KIAA0319L: variants seen among roughly 807,000 people sequenced by gnomAD.
KIAA0319L encodes KIAA0319 like.
In KIAA0319L, 55 loss-of-function variants were observed where a neutral mutation model predicts 120.1. The ratio of observed to expected loss-of-function variants is 0.46; its 90% CI spans 0.37 to 0.57. KIAA0319L has a LOEUF of 0.57. Ranked by LOEUF, KIAA0319L falls within the 20% of genes least tolerant of loss-of-function variation. The pLI is 0.00. For synonymous variants in KIAA0319L, 398 were observed against 471.9 expected (o/e 0.84, Z 2.03); for missense variants, 1,049 against 1,255.3 (o/e 0.84, Z 2.48).
At chr1:35,478,524 T>C (rs531455106) in intron 4 of KIAA0319L, among the ~76,000 whole-genome samples, 2 of 152,294 alleles carry the variant, frequency 1.3e-5, no homozygotes, top group East Asian at 3.9e-4. Context: ...ATCTCATGTA[T>C]GCCATAAATG....
chr1:35,459,106 T>C (rs1011255523), intron 9 of KIAA0319L, among the ~76,000 whole-genome samples: 32 of 152,132 alleles, frequency 2.1e-4, no homozygotes, highest in African/African-American at 6.5e-4. Flanking sequence ...AAATGCCACA[T>C]AGAGGCCCTG....
At chr1:35,454,793 C>CA in intron 10 of KIAA0319L, 1 of 280,836 alleles carries the variant, frequency 3.6e-6, no homozygotes, top group Non-Finnish European at 6.4e-6. Flanking sequence ...CTCTATGACT[C>CA]AAACCAGAAA....
intron 3 of KIAA0319L, among the ~76,000 whole-genome samples, chr1:35,504,487 C>A (rs1645135719): frequency 6.6e-6 from 1 of 152,210 alleles, no homozygotes; most frequent in South Asian, 2.1e-4. Context: ...TAAGCCATCA[C>A]ACCCAGCCAA....
rs1237590429 is a variant in KIAA0319L at position 35,449,884 on chromosome 1, G to A, written c.2336C>T (p.Thr779Ile). 6.2e-7 allele frequency: 1 copy of A among 1,614,162 alleles called. No individual in the cohort carries two copies. The highest frequency in any genetic ancestry group is 1.7e-5 in the Admixed American group (1 of 60,022). The change falls in exon 15 of 21, where the codon ACT becomes ATT. Residue 779 changes from threonine (T) to isoleucine (I), a missense_variant. Transcript: ENST00000325722. ...GAACTCACCAGGTTTCACCTCCACA[G>A]TGGTCCGGTCTGTGTCACTCTCACC... is the stretch of plus-strand genomic sequence containing the variant. Reference protein sequence around the residue: ...AKGESDTDRTTVEVKPDPRKN... With the variant: ...AKGESDTDRTIVEVKPDPRKN...
intron 2 of KIAA0319L, among the ~76,000 whole-genome samples, chr1:35,546,001 AG>A (rs1646967856): frequency 6.6e-6 from 1 of 152,236 alleles, no homozygotes; most frequent in South Asian, 2.1e-4. Context: ...AAAAGATCAC[AG>A]GTTCAGTTTT....
intron 3 of KIAA0319L, among the ~76,000 whole-genome samples, chr1:35,489,025 A>G (rs773227704): frequency 6.6e-6 from 1 of 152,224 alleles, no homozygotes; most frequent in African/African-American, 2.4e-5. Context: ...GCAAGTATCA[A>G]GTTTGAACAA....
rs956998430 is a variant in KIAA0319L at position 35,437,728 on chromosome 1, A to C, written c.2963-2647T>G. Among the ~76,000 whole-genome samples, 15 of 152,084 alleles carry C rather than the reference A, an allele frequency of 9.9e-5. No homozygotes were observed. Among genetic ancestry groups the C allele is most frequent in the Non-Finnish European group, 2.1e-4 (14 of 67,998 alleles). Reference sequence around the variant, plus strand: ...GGTCATTCTTGGGGTCCTCAACCCTAGGCCTCTTCTTTTGTCCTTCAACAT... The same window carrying C: ...GGTCATTCTTGGGGTCCTCAACCCTCGGCCTCTTCTTTTGTCCTTCAACAT... On this transcript the variant is annotated intron_variant, in intron 20 of 20. Coordinates refer to ENST00000325722, the MANE Select transcript of KIAA0319L (RefSeq NM_024874.5). This position sits in a 1 kb window ranked among gnomAD's most constrained non-coding sequence, Gnocchi z 4.1.
chr1:35,512,049 C>G (rs1645467794), intron 2 of KIAA0319L, among the ~76,000 whole-genome samples: 1 of 152,038 alleles, frequency 6.6e-6, no homozygotes, highest in South Asian at 2.1e-4. Context: ...GCAGATGGAT[C>G]ACTTGAGGTC....
chr1:35,514,109 G>A (rs1645581532), intron 2 of KIAA0319L, among the ~76,000 whole-genome samples: 1 of 152,082 alleles, frequency 6.6e-6, no homozygotes, highest in African/African-American at 2.4e-5. Context: ...TCTTCCTGGG[G>A]TAATGGTTAA....
rs962673734 is a variant in KIAA0319L at position 35,557,350 on chromosome 1, C to G, written c.-172G>C. The G allele has an allele frequency of 2.8e-5, 8 of 286,308 alleles. No individual in the cohort carries two copies. The Admixed American group carries it at 4.1e-4, about 15-fold the overall frequency. The allele number at this position is 286,308 out of a possible 1,614,324, so 17.7% of individuals were successfully genotyped here. A position where few individuals can be genotyped will look rare whatever the true frequency, so the allele number is the denominator to read the frequency against. ...GAAGAAGGTAGTGCGGGCTCCCCAC[C>G]CGGACAGCTACCTCTCGCCTCAGCC... On this transcript the variant is annotated 5_prime_UTR_variant, in exon 1 of 21. Coordinates refer to ENST00000325722, the MANE Select transcript of KIAA0319L (RefSeq NM_024874.5).
intron 2 of KIAA0319L, among the ~76,000 whole-genome samples, chr1:35,530,726 C>G (rs1646331997): frequency 6.6e-6 from 1 of 152,102 alleles, no homozygotes; most frequent in Non-Finnish European, 1.5e-5. Context: ...TATTGGCTTT[C>G]ACAGGGAAAG....
At chr1:35,438,406 C>CA (rs1221735690) in intron 20 of KIAA0319L, 1 of 151,752 alleles carries the variant, frequency 6.6e-6, no homozygotes, top group Non-Finnish European at 1.5e-5. Flanking sequence ...AAGTCTTCCT[C>CA]AAAAATGTAT....
At chr1:35,446,080 CA>C (rs879910168) in intron 16 of KIAA0319L, among the ~76,000 whole-genome samples, 14 of 152,176 alleles carry the variant, frequency 9.2e-5, no homozygotes, top group African/African-American at 3.1e-4. Flanking sequence ...AGATTAAATT[CA>C]CCTGGGGAGC....
In KIAA0319L at chr1:35,479,089, T is replaced by A; in HGVS notation, c.790A>T (p.Thr264Ser). The change falls in exon 4 of 21, where the codon ACT (threonine) becomes TCT (serine). Residue 264 changes from threonine to serine, a missense_variant. Coordinates refer to ENST00000325722, the MANE Select transcript of KIAA0319L (RefSeq NM_024874.5). Reference sequence around the variant, plus strand: ...TTCTCAGAACTTTTTACTTGTTGAGTGCTGGGCGTAGTAGCAAGACCCTCT... The same window carrying A: ...TTCTCAGAACTTTTTACTTGTTGAGAGCTGGGCGTAGTAGCAAGACCCTCT... ...ISEGLATTPS[T>S]QQVKSSEKTQ... 1 of 1,614,158 alleles carries A rather than the reference T, an allele frequency of 6.2e-7. No homozygotes were observed. The highest frequency in any genetic ancestry group is 1.1e-5 in the South Asian group (1 of 91,092).
intron 9 of KIAA0319L, among the ~76,000 whole-genome samples, 188 bp downstream of exon 9, chr1:35,460,117 C>T (rs1300698389): frequency 2.6e-5 from 4 of 152,124 alleles, no homozygotes; most frequent in Non-Finnish European, 4.4e-5. Context: ...AACCTTTGCC[C>T]TAAAAAGTTA....
At chr1:35,465,455 T>C (rs985886627) in intron 7 of KIAA0319L, among the ~76,000 whole-genome samples, 1 of 152,240 alleles carries the variant, frequency 6.6e-6, no homozygotes, top group African/African-American at 2.4e-5. Context: ...GGAACGGCTA[T>C]ATTTATCCAA....
At chr1:35,460,190 T>C (rs1642789914) in intron 9 of KIAA0319L, 115 bp downstream of exon 9, 1 of 858,728 alleles carries the variant, frequency 1.2e-6, no homozygotes, top group Non-Finnish European at 1.8e-6. Flanking sequence ...AGCTGTATTA[T>C]CAACCAACTC....
At chr1:35,498,631 TA>T (rs1314183188) in intron 3 of KIAA0319L, among the ~76,000 whole-genome samples, 1 of 152,162 alleles carries the variant, frequency 6.6e-6, no homozygotes, top group Non-Finnish European at 1.5e-5. Flanking sequence ...GCCCAGCAAT[TA>T]ATGTCATAAT....
At chr1:35,452,949 T>C (rs1642172991) in intron 12 of KIAA0319L, among the ~76,000 whole-genome samples, 1 of 152,230 alleles carries the variant, frequency 6.6e-6, no homozygotes, top group African/African-American at 2.4e-5. Flanking sequence ...TTTTGCTACT[T>C]GTGGGATCCT....
Sources: allele counts gnomAD v4.1 joint callset (sites outside exome capture counted in the v4.1 genomes callset), GRCh38; gene constraint gnomAD v4.1.1; non-coding constraint Gnocchi (gnomAD v3.1); transcripts MANE v1.5; gene names NCBI Gene and HGNC (gene_info 2026-07-23, HGNC 2026-07-21).